EHBP1: variants seen among roughly 807,000 people sequenced by gnomAD.
The protein encoded by EHBP1 is EH domain-binding protein 1.
A neutral mutation model predicts 144.0 loss-of-function variants in EHBP1; 55 were observed. The observed-to-expected ratio is 0.38, with a 90% CI of 0.31 to 0.48. The LOEUF is 0.48. Among genes scored for constraint, EHBP1 ranks in the 20% least tolerant of loss-of-function variants. EHBP1 has a pLI of 0.98. For synonymous variants in EHBP1, 469 were observed against 472.7 expected (o/e 0.99, Z 0.10); for missense variants, 1,200 against 1,364.2 (o/e 0.88, Z 1.90).
At chr2:62,993,463 C>G in intron 16 of EHBP1, 67 bp from the exon 17 acceptor site, 1 of 1,332,660 alleles carries the variant, frequency 7.5e-7, no homozygotes, top group Non-Finnish European at 9.8e-7. Flanking sequence ...TAAAAATTGC[C>G]TTACTAATGT....
At chr2:63,005,910 A>T (rs533526668) in intron 19 of EHBP1, among the ~76,000 whole-genome samples, 2 of 152,144 alleles carry the variant, frequency 1.3e-5, no homozygotes, top group African/African-American at 4.8e-5. Context: ...ACTTGGTAAC[A>T]TATAGTAATT....
intron 9 of EHBP1, 117 bp from the exon 10 acceptor site, chr2:62,874,229 C>T (rs1489586195): frequency 1.5e-6 from 1 of 670,672 alleles, no homozygotes; most frequent in Non-Finnish European, 2.4e-6. Flanking sequence ...CAGGTTATCA[C>T]TGGTTTGGGT....
rs114487167 is a variant in EHBP1, at chr2:62,857,290, C to T, written c.635-1879C>T. On this transcript the variant is annotated intron_variant, in intron 7 of 22. Coordinates refer to ENST00000431489, the MANE Select transcript of EHBP1 (RefSeq NM_001142616.3). ...CTGTAGGTATTTGTTAAGTCTGTTT[C>T]CATGTTAATTTGTGTCTCTATAGAT... is the stretch of plus-strand genomic sequence containing the variant. 7.9e-3 allele frequency among the ~76,000 whole-genome samples: 1,201 copies of T among 152,220 alleles called. 16 individuals carry two copies. The highest frequency in any genetic ancestry group is 0.028 in the African/African-American group (1,169 of 41,516).
At chr2:62,858,768 C>T (rs543624942) in intron 7 of EHBP1, among the ~76,000 whole-genome samples, 34 of 152,152 alleles carry the variant, frequency 2.2e-4, no homozygotes, top group Non-Finnish European at 4.6e-4. Context: ...CAACATGCTA[C>T]TTCTTCAGTG....
rs186789492 is a variant in EHBP1 at position 62,788,256 on chromosome 2, A to T, written c.312+16864A>T. On this transcript the variant is annotated intron_variant, in intron 5 of 22. Transcript: ENST00000431489. ...TTTATGTGGTCTTTCCTATTCCAATATAAAATATTTGTATGTTTTCTCTTA... is the reference window on the plus strand; with the variant it reads ...TTTATGTGGTCTTTCCTATTCCAATTTAAAATATTTGTATGTTTTCTCTTA... Among the ~76,000 whole-genome samples the T allele has an allele frequency of 5.9e-5, 9 of 152,288 alleles. No homozygotes were observed. In the East Asian group the frequency reaches 1.7e-3, roughly 29 times the overall value.
chr2:62,902,845 A>G (rs1374515976), intron 10 of EHBP1, among the ~76,000 whole-genome samples: 1 of 152,202 alleles, frequency 6.6e-6, no homozygotes, highest in Non-Finnish European at 1.5e-5. Context: ...TTTCATGTAA[A>G]AATAGTTGGT....
intron 8 of EHBP1, among the ~76,000 whole-genome samples, chr2:62,860,870 A>G (rs1316683476): frequency 1.3e-5 from 2 of 152,178 alleles, no homozygotes; most frequent in African/African-American, 4.8e-5. Context: ...AGAATCTTTA[A>G]TTATACCTGT....
At chr2:62,806,902 A>G (rs996597241) in intron 5 of EHBP1, among the ~76,000 whole-genome samples, 3 of 152,074 alleles carry the variant, frequency 2.0e-5, no homozygotes, top group Admixed American at 6.6e-5. Context: ...CATTGCTGCT[A>G]TTCTTTTTAC....
At chr2:63,001,091 G>C (rs951955932) in intron 19 of EHBP1, among the ~76,000 whole-genome samples, 1 of 152,110 alleles carries the variant, frequency 6.6e-6, no homozygotes, top group Non-Finnish European at 1.5e-5. Context: ...TATAATGAAT[G>C]GTGTTTCTTT....
At chr2:62,933,032 T>C (rs1002932326) in intron 10 of EHBP1, among the ~76,000 whole-genome samples, 1 of 151,868 alleles carries the variant, frequency 6.6e-6, no homozygotes, top group East Asian at 1.9e-4. Flanking sequence ...TAAAAAGTTA[T>C]TGAGGAGCCC....
At chr2:62,832,800 C>G (rs2152667931) in intron 7 of EHBP1, among the ~76,000 whole-genome samples, 1 of 152,222 alleles carries the variant, frequency 6.6e-6, no homozygotes, top group East Asian at 1.9e-4. Flanking sequence ...TGGGACATAA[C>G]AATGTTGACA....
At chr2:62,951,551 G>A (rs1314166170) in intron 13 of EHBP1, among the ~76,000 whole-genome samples, 3 of 134,728 alleles carry the variant, frequency 2.2e-5, no homozygotes, top group Non-Finnish European at 3.1e-5. Flanking sequence ...GGGGGGTGGA[G>A]TCTTGCCCTG....
chr2:62,890,149 C>T (rs2052339011), intron 10 of EHBP1, among the ~76,000 whole-genome samples: 1 of 151,884 alleles, frequency 6.6e-6, no homozygotes, highest in African/African-American at 2.4e-5. Context: ...TTAGTAGAGA[C>T]TGGGTCTCGA....
chr2:62,915,360 A>G (rs1230197254), intron 10 of EHBP1, among the ~76,000 whole-genome samples: 1 of 152,160 alleles, frequency 6.6e-6, no homozygotes, highest in African/African-American at 2.4e-5. Context: ...AATCGGTAGT[A>G]TATCTCACTT....
chr2:63,013,655 G>A (rs368357532), intron 19 of EHBP1, among the ~76,000 whole-genome samples: 5 of 152,130 alleles, frequency 3.3e-5, no homozygotes, highest in African/African-American at 7.2e-5. Context: ...ATCTTTACTC[G>A]GCTTCCCGTG....
intron 7 of EHBP1, among the ~76,000 whole-genome samples, chr2:62,841,112 T>C (rs1291962754): frequency 6.6e-6 from 1 of 152,098 alleles, no homozygotes; most frequent in Non-Finnish European, 1.5e-5. Flanking sequence ...AATGATAGAC[T>C]GGATTAAGAA....
chr2:62,822,951 A>T (rs1445703603), intron 5 of EHBP1, among the ~76,000 whole-genome samples: 2 of 152,178 alleles, frequency 1.3e-5, no homozygotes, highest in East Asian at 3.8e-4. Flanking sequence ...TGACATTTTT[A>T]AATTTAAATA....
intron 10 of EHBP1, among the ~76,000 whole-genome samples, chr2:62,897,274 A>G (rs559141056): frequency 1.3e-5 from 2 of 152,300 alleles, no homozygotes; most frequent in African/African-American, 4.8e-5. Context: ...AATCTTTTCA[A>G]TTTGGTATAT....
intron 14 of EHBP1, among the ~76,000 whole-genome samples, chr2:62,959,960 T>C (rs548119028): frequency 7.2e-5 from 11 of 152,212 alleles, no homozygotes; most frequent in Admixed American, 4.6e-4. Flanking sequence ...ACAATGTCCA[T>C]GTACTCAGTA....
Sources: allele counts gnomAD v4.1 joint callset (sites outside exome capture counted in the v4.1 genomes callset), GRCh38; gene constraint gnomAD v4.1.1; transcripts MANE v1.5; gene names NCBI Gene and HGNC (gene_info 2026-07-23, HGNC 2026-07-21).